PEG3: variants seen among roughly 807,000 people sequenced by gnomAD.
The protein encoded by PEG3 is paternally expressed 3, also known as paternally-expressed gene 3 protein.
A neutral mutation model predicts 35.5 loss-of-function variants in PEG3; 23 were observed. The observed-to-expected ratio is 0.65, with a 90% CI of 0.47 to 0.92. PEG3 has a LOEUF of 0.92. Ranked by LOEUF, PEG3 falls within the 40% of genes least tolerant of loss-of-function variation. The pLI, the probability that PEG3 is intolerant of heterozygous loss-of-function variation, is 0.00. For synonymous variants in PEG3, 707 were observed against 697.0 expected, an observed-to-expected ratio of 1.01 and a Z score of -0.23; for missense variants, 1,960 against 1,985.3, an observed-to-expected ratio of 0.99 and a Z score of 0.24.
At position 56,815,972 on chromosome 19, in the gene PEG3, T is replaced by C; in HGVS notation, c.2470A>G (p.Thr824Ala). ...NHQRVRAGGN[T>A]SEGREYSRSV... ...CTACTGTATTCCCTTCCTTCAGAGG[T>C]GTTCCCTCCAGCACGAACTCTCTGA... Residue 824 changes from threonine (T) to alanine (A), a missense_variant, in exon 10 of 10, where the codon ACC becomes GCC. This residue lies in a region of PEG3 where 798 missense variants were observed against 782.4 expected (regional missense o/e 1.02). Coordinates refer to ENST00000326441, the MANE Select transcript of PEG3 (RefSeq NM_006210.3). The C allele has an allele frequency of 6.3e-7, 1 of 1,586,674 alleles. No homozygotes were observed.
chr19:56,821,892 G>T, intron 6 of PEG3, 138 bp from the exon 7 acceptor site: 1 of 915,436 alleles, frequency 1.1e-6, no homozygotes, highest in Non-Finnish European at 1.7e-6. Context: ...GCATTCTGTG[G>T]CAGCCTCTGA....
intron 2 of PEG3, among the ~76,000 whole-genome samples, chr19:56,829,943 T>C (rs1451052063): frequency 1.3e-5 from 2 of 152,174 alleles, no homozygotes; most frequent in African/African-American, 2.4e-5. Flanking sequence ...AGAAGATACG[T>C]GTTTGCAGGT....
chr19:56,832,791 A>G (rs1907771297), intron 2 of PEG3, among the ~76,000 whole-genome samples: 1 of 152,218 alleles, frequency 6.6e-6, no homozygotes, highest in South Asian at 2.1e-4. Context: ...TCTTTACACT[A>G]GATGTCTAAA....
rs2059765814 is a variant in PEG3 at position 56,814,238 on chromosome 19, C to T, written c.4204G>A (p.Ala1402Thr). 2 of 1,613,368 alleles carry T rather than the reference C, an allele frequency of 1.2e-6. No individual in the cohort carries two copies. The highest frequency in any genetic ancestry group is 1.7e-6 in the Non-Finnish European group (2 of 1,179,908). Reference protein sequence around the residue: ...VEAAEPEVEAAEPEVEAAEPE... With the variant: ...VEAAEPEVEATEPEVEAAEPE... Reference sequence around the variant, plus strand: ...TCAGCAGCCTCCACTTCTGGCTCGGCAGCCTCCACTTCTGGCTCAGCAGCC... The same window carrying T: ...TCAGCAGCCTCCACTTCTGGCTCGGTAGCCTCCACTTCTGGCTCAGCAGCC... The change falls in exon 10 of 10, where the codon GCC (alanine) becomes ACC (threonine). Residue 1402 changes from alanine to threonine, a missense_variant. Ala to Thr is a moderately conservative substitution (Grantham distance 58). This residue lies in a region of PEG3 where 416 missense variants were observed against 416.7 expected (regional missense o/e 1.00). Coordinates refer to ENST00000326441, the MANE Select transcript of PEG3 (RefSeq NM_006210.3). This position sits in a 1 kb window ranked among gnomAD's most constrained non-coding sequence, Gnocchi z 5.8.
Position 56,816,223 on chromosome 19 carries a change from G to A in PEG3, c.2219C>T (p.Pro740Leu), listed in dbSNP as rs1364840436. ...ESQKSHTITR[P>L]LESDEDEKAF... ...CTTTTCGTCCTCATCACTTTCAAGAGGTCTTGTTATAGTATGACTCTTCTG... is the reference window on the plus strand; with the variant it reads ...CTTTTCGTCCTCATCACTTTCAAGAAGTCTTGTTATAGTATGACTCTTCTG... Residue 740 changes from proline to leucine, a missense_variant, in exon 10 of 10, where the codon CCT becomes CTT. By Grantham distance (98) the Pro-to-Leu change is moderately conservative. This residue lies in a region of PEG3 where 798 missense variants were observed against 782.4 expected (regional missense o/e 1.02). Coordinates refer to ENST00000326441, the MANE Select transcript of PEG3 (RefSeq NM_006210.3). 2 of 1,614,122 alleles carry A rather than the reference G, an allele frequency of 1.2e-6. No individual in the cohort carries two copies. Among genetic ancestry groups the A allele is most frequent in the Admixed American group, 3.3e-5 (2 of 60,022 alleles).
chr19:56,813,896 A>C lies in PEG3; in HGVS notation c.4546T>G (p.Ser1516Ala), dbSNP rs1395180198. 6.2e-7 allele frequency: 1 copy of C among 1,614,134 alleles called. No homozygotes were observed. The highest frequency in any genetic ancestry group is 8.5e-7 in the Non-Finnish European group (1 of 1,180,004). The change falls in exon 10 of 10, where the codon TCC becomes GCC. Residue 1516 changes from serine (S) to alanine (A), a missense_variant. Coordinates refer to ENST00000326441, the MANE Select transcript of PEG3 (RefSeq NM_006210.3). ...DCHECTETFT[S>A]STAFSEHLKT... Reference sequence around the variant, plus strand: ...AGGTGTTCACTGAATGCTGTGCTGGAAGTGAAGGTTTCTGTGCATTCATGG... The same window carrying C: ...AGGTGTTCACTGAATGCTGTGCTGGCAGTGAAGGTTTCTGTGCATTCATGG...
intron 7 of PEG3, 108 bp from the exon 8 acceptor site, chr19:56,818,810 T>G: frequency 7.8e-7 from 1 of 1,283,546 alleles, no homozygotes; most frequent in Non-Finnish European, 1.1e-6. Context: ...ATATAGGAAG[T>G]GCTCACGGTA....
rs1290002602 is a variant in PEG3 at position 56,814,785 on chromosome 19, A to G, written c.3657T>C (p.Ala1219=). 4 of 1,614,210 alleles carry G rather than the reference A, an allele frequency of 2.5e-6. No homozygotes were observed. In the East Asian group the frequency reaches 8.9e-5, roughly 36 times the overall value. Residue 1219 remains alanine (A), a synonymous_variant, in exon 10 of 10, where the codon GCT becomes GCC. Transcript: ENST00000326441. This position sits in a 1 kb window ranked among gnomAD's most constrained non-coding sequence, Gnocchi z 5.8. Reference sequence around the variant, plus strand: ...GGCATCGAATGGCCGACCCAGCAAGAGCAGGATTCCTCTCTGCAGCACGAT... The same window carrying G: ...GGCATCGAATGGCCGACCCAGCAAGGGCAGGATTCCTCTCTGCAGCACGAT... The part of the protein sequence containing the change: ...RRNRAAERNP[A]LAGSAIRCLL...
At chr19:56,824,217 A>T in intron 4 of PEG3, 45 bp downstream of exon 4, 1 of 1,588,268 alleles carries the variant, frequency 6.3e-7, no homozygotes, top group South Asian at 1.1e-5. Context: ...CCCAGGGGAC[A>T]CCTGAGGCCT....
At position 56,817,340 on chromosome 19, in the gene PEG3, C is replaced by T. The variant is rs2060071288; in HGVS notation, c.1102G>A (p.Gly368Arg). 2 of 1,614,080 alleles carry T rather than the reference C, an allele frequency of 1.2e-6. No homozygotes were observed. The highest frequency in any genetic ancestry group is 2.2e-5 in the South Asian group (2 of 91,078). ...CTAAAGCCTCCCCTAAATGCATTCC[C>T]TTCATAAACCCGCTGCTGGATCACT... The part of the protein sequence containing the change: ...ESVIQQRVYE[G>R]NAFRGGFRFN... The change falls in exon 10 of 10, where the codon GGG (glycine) becomes AGG (arginine). Residue 368 changes from glycine (G) to arginine (R), a missense_variant. By Grantham distance (125) the Gly-to-Arg change is moderately radical. Transcript: ENST00000326441.
intron 2 of PEG3, among the ~76,000 whole-genome samples, chr19:56,829,491 C>T (rs1244622996): frequency 6.6e-6 from 1 of 152,146 alleles, no homozygotes; most frequent in Non-Finnish European, 1.5e-5. Flanking sequence ...GGGACGAGCA[C>T]CACTGACAGG....
intron 1 of PEG3, among the ~76,000 whole-genome samples, chr19:56,839,832 G>C (rs940145175): frequency 8.6e-5 from 13 of 150,742 alleles, no homozygotes; most frequent in African/African-American, 2.9e-4. Context: ...GGTGGGGCTT[G>C]AGCAGACGAT....
At chr19:56,822,635 G>T in intron 6 of PEG3, 118 bp downstream of exon 6, 1 of 1,397,016 alleles carries the variant, frequency 7.2e-7, no homozygotes, top group Non-Finnish European at 9.8e-7. Context: ...TTTTGGGGAA[G>T]CGGAATATAC....
intron 2 of PEG3, among the ~76,000 whole-genome samples, chr19:56,830,935 T>A (rs1206773258): frequency 6.7e-6 from 1 of 150,212 alleles, no homozygotes; most frequent in African/African-American, 2.5e-5. Flanking sequence ...ACCAAAAAAA[T>A]AAAAAACAAT....
At position 56,813,620 on chromosome 19, in the gene PEG3, G is replaced by A; in HGVS notation, c.*55C>T. ...TCATGGATTGGTTTGGATTCTCTGTGGTTTGGTAAGGGTCAAGTCCTAGGT... is the reference window on the plus strand; with the variant it reads ...TCATGGATTGGTTTGGATTCTCTGTAGTTTGGTAAGGGTCAAGTCCTAGGT... On this transcript the variant is annotated 3_prime_UTR_variant, in exon 10 of 10. Transcript: ENST00000326441. 1 of 1,549,770 alleles carries A rather than the reference G, an allele frequency of 6.5e-7. No individual in the cohort carries two copies.
rs139541012 is a variant in PEG3, at chr19:56,818,705, A to G, written c.670-3T>C. The G allele has an allele frequency of 2.8e-4, 456 of 1,614,148 alleles. 3 individuals carry two copies. Among genetic ancestry groups the G allele is most frequent in the Admixed American group, 6.3e-4 (38 of 60,024 alleles). ...ACATTTTGGTATGATTCAGCATCCTAAAACAGCAAACACAGACCTCTCAAT... is the reference window on the plus strand; with the variant it reads ...ACATTTTGGTATGATTCAGCATCCTGAAACAGCAAACACAGACCTCTCAAT... On this transcript the variant is annotated splice_polypyrimidine_tract_variant and splice_region_variant and intron_variant, in intron 7 of 9. Coordinates refer to ENST00000326441, the MANE Select transcript of PEG3 (RefSeq NM_006210.3).
rs1373584900 is a variant in PEG3, at chr19:56,821,725, C to A, written c.595G>T (p.Val199Leu). 6.2e-7 allele frequency: 1 copy of A among 1,613,982 alleles called. No homozygotes were observed. Residue 199 changes from valine (V) to leucine (L), a missense_variant, in exon 7 of 10, where the codon GTG (valine) becomes TTG (leucine). Coordinates refer to ENST00000326441, the MANE Select transcript of PEG3 (RefSeq NM_006210.3). ...RMPPRDLSLP[V>L]VAKTSFEMDR... ...ATTTCAAAGCTTGTTTTCGCCACCACAGGAAGGGAAAGATCCCGCGGAGGC... is the reference window on the plus strand; with the variant it reads ...ATTTCAAAGCTTGTTTTCGCCACCAAAGGAAGGGAAAGATCCCGCGGAGGC...
intron 7 of PEG3, among the ~76,000 whole-genome samples, chr19:56,819,321 G>A (rs972390490): frequency 6.6e-6 from 1 of 152,182 alleles, no homozygotes; most frequent in Non-Finnish European, 1.5e-5. Flanking sequence ...AATCACCCAG[G>A]AATAACTGTA....
At chr19:56,829,858 G>A (rs761372401) in intron 2 of PEG3, among the ~76,000 whole-genome samples, 1 of 152,198 alleles carries the variant, frequency 6.6e-6, no homozygotes, top group African/African-American at 2.4e-5. Context: ...AAGCATAACT[G>A]CTCTGCCCAC....
Sources: gnomAD v4.1 joint callset for allele counts (sites outside exome capture counted in the v4.1 genomes callset) on GRCh38, gnomAD v4.1.1 for gene constraint, gnomAD v4.1.1 regional missense constraint, Gnocchi (gnomAD v3.1) non-coding constraint, MANE v1.5 for transcripts, NCBI Gene and HGNC (gene_info 2026-07-23, HGNC 2026-07-21) for gene names.